The following ZKSCAN8 variants were observed in gnomAD, a reference collection of about 807,000 sequenced individuals.
ZKSCAN8 encodes zinc finger protein with KRAB and SCAN domains 8.
A neutral mutation model predicts 57.2 loss-of-function variants in ZKSCAN8; 27 were observed. The ratio of observed to expected loss-of-function variants is 0.47; its 90% confidence interval spans 0.35 to 0.65. The LOEUF (loss-of-function observed/expected upper bound fraction) is 0.65, where lower values mean the gene tolerates loss of function less well. ZKSCAN8 is among the 30% of genes least tolerant of loss of function. The pLI is 0.01. For missense variants in ZKSCAN8, 597 were observed against 696.3 expected (o/e 0.86, Z 1.60); for synonymous variants, 214 against 248.7 (o/e 0.86, Z 1.31).
In ZKSCAN8 at chr6:28,158,164, T is replaced by C. The variant is rs1032741256; in HGVS notation, c.*4147T>C. The C allele has an allele frequency of 1.4e-4, 22 of 152,158 alleles. No homozygotes were observed. The highest frequency in any genetic ancestry group is 5.3e-4 in the African/African-American group (22 of 41,428). 9.4% of individuals were successfully genotyped at this position (152,158 alleles called of 1,614,324 possible). On this transcript the variant is annotated 3_prime_UTR_variant, in exon 6 of 6. Transcript: ENST00000330236. Reference sequence around the variant, plus strand: ...TTGATCTAATTTATATTTTATATTGTTGAATTCTCCCTCCTTTGGCTTGTG... The same window carrying C: ...TTGATCTAATTTATATTTTATATTGCTGAATTCTCCCTCCTTTGGCTTGTG...
intron 1 of ZKSCAN8, among the ~76,000 whole-genome samples, chr6:28,146,841 A>G (rs776059562): frequency 6.6e-6 from 1 of 152,222 alleles, no homozygotes; most frequent in Non-Finnish European, 1.5e-5. Flanking sequence ...TTTGACAAAT[A>G]TACAAAGACA....
In ZKSCAN8 at chr6:28,154,181, T is replaced by G; in HGVS notation, c.*164T>G. ...TAGCTCTTTAGTAATTTGGGCCCAG[T>G]GCCTTGGTGAAGGTTGATTAGCTTG... On this transcript the variant is annotated 3_prime_UTR_variant, in exon 6 of 6. Coordinates refer to ENST00000330236, the MANE Select transcript of ZKSCAN8 (RefSeq NM_006298.4). The G allele has an allele frequency of 1.1e-5, 11 of 963,590 alleles. No individual in the cohort carries two copies. The highest frequency in any genetic ancestry group is 1.6e-5 in the Non-Finnish European group (11 of 669,924). 59.7% of individuals were successfully genotyped at this position (963,590 alleles called of 1,614,324 possible). A position where few individuals can be genotyped will look rare whatever the true frequency, so the allele number is the denominator to read the frequency against.
At position 28,155,766 on chromosome 6, in the gene ZKSCAN8, CT is replaced by C. The variant is rs1765761913; in HGVS notation, c.*1752del. 5.7e-6 allele frequency: 1 copy of C among 175,390 alleles called. No individual in the cohort carries two copies. Among genetic ancestry groups the C allele is most frequent in the South Asian group, 2.0e-4 (1 of 5,038 alleles). The allele number at this position is 175,390 out of a possible 1,614,324, so 10.9% of individuals were successfully genotyped here. ...AGGACCACCTTTTGGATCATAAATTCTTTCCCTATAACATTCCTTCTCTGCC... is the reference window on the plus strand; with the variant it reads ...AGGACCACCTTTTGGATCATAAATTCTTCCCTATAACATTCCTTCTCTGCC... On this transcript the variant is annotated 3_prime_UTR_variant, in exon 6 of 6. Transcript: ENST00000330236.
In ZKSCAN8 at chr6:28,158,793, G is replaced by A. The variant is rs1441722030; in HGVS notation, c.*4776G>A. On this transcript the variant is annotated 3_prime_UTR_variant, in exon 6 of 6. Coordinates refer to ENST00000330236, the MANE Select transcript of ZKSCAN8 (RefSeq NM_006298.4). ...CTCAAACTCCATTTTTACAATATCC[G>A]TATTGTAAAATTTTCATTTTCAGTA... 4.0e-5 allele frequency: 6 copies of A among 151,730 alleles called. No individual in the cohort carries two copies. The highest frequency in any genetic ancestry group is 7.4e-5 in the Non-Finnish European group (5 of 67,972). The allele number at this position is 151,730 out of a possible 1,614,324, so 9.4% of individuals were successfully genotyped here. A position where few individuals can be genotyped will look rare whatever the true frequency, so the allele number is the denominator to read the frequency against.
Position 28,153,169 on chromosome 6 carries a change from C to G in ZKSCAN8, c.889C>G (p.Leu297Val). 6.2e-7 allele frequency: 1 copy of G among 1,614,154 alleles called. No individual in the cohort carries two copies. The highest frequency in any genetic ancestry group is 8.5e-7 in the Non-Finnish European group (1 of 1,180,036). Residue 297 changes from leucine (L) to valine (V), a missense_variant, in exon 6 of 6, where the codon CTT (leucine) becomes GTT (valine). By Grantham distance (32) the Leu-to-Val change is conservative (BLOSUM62 1). Transcript: ENST00000330236. ...AKCNGDVIRG[L>V]EHEEARDLLG... ...ATGCAACGGGGATGTTATCAGGGGT[C>G]TTGAGCATGAAGAAGCCCGAGACCT...
At position 28,152,261 on chromosome 6, in the gene ZKSCAN8, A is replaced by G; in HGVS notation, c.652A>G (p.Thr218Ala). ...TATLLTAGFQ[T>A]LEKIEDMAVS... Reference sequence around the variant, plus strand: ...AAATGGGGATCTTGTTTTGTTTCAGACTTTGGAGAAGATTGAAGACATGGC... The same window carrying G: ...AAATGGGGATCTTGTTTTGTTTCAGGCTTTGGAGAAGATTGAAGACATGGC... Residue 218 changes from threonine to alanine, a missense_variant and splice_region_variant, in exon 5 of 6, where the codon ACT becomes GCT. Transcript: ENST00000330236. 6.2e-7 allele frequency: 1 copy of G among 1,604,058 alleles called. No individual in the cohort carries two copies. Among genetic ancestry groups the G allele is most frequent in the Non-Finnish European group, 8.5e-7 (1 of 1,176,780 alleles).
chr6:28,146,505 C>T (rs931435276), intron 1 of ZKSCAN8, among the ~76,000 whole-genome samples: 3 of 152,092 alleles, frequency 2.0e-5, no homozygotes, highest in Non-Finnish European at 4.4e-5. Context: ...ATTGTGTTCA[C>T]GGAATGGAAA....
rs774846045 is a variant in ZKSCAN8 at position 28,149,539 on chromosome 6, A to G, written c.474A>G (p.Ala158=). 4 of 1,614,180 alleles carry G rather than the reference A, an allele frequency of 2.5e-6. No homozygotes were observed. The highest frequency in any genetic ancestry group is 1.1e-5 in the South Asian group (1 of 91,068). ...TCTGGGAGGAGGTAGTACATTCAGC[A>G]TCTGCACCAGAGCCTCCAAATACTC... is the stretch of plus-strand genomic sequence containing the variant. ...RVLWEEVVHS[A]SAPEPPNTQL... The change falls in exon 3 of 6, where the codon GCA becomes GCG. Residue 158 remains alanine (A), a synonymous_variant. Coordinates refer to ENST00000330236, the MANE Select transcript of ZKSCAN8 (RefSeq NM_006298.4).
chr6:28,152,106 A>G (rs1039497589), intron 4 of ZKSCAN8, among the ~76,000 whole-genome samples, 155 bp from the exon 5 acceptor site: 3 of 152,230 alleles, frequency 2.0e-5, no homozygotes, highest in African/African-American at 7.2e-5. Flanking sequence ...AGTAAATCTC[A>G]TGCATTTTCC....
At position 28,153,761 on chromosome 6, in the gene ZKSCAN8, A is replaced by C. The variant is rs1264457042; in HGVS notation, c.1481A>C (p.Glu494Ala). ...HTGEKPYKCN[E>A]CGRAFSQKSG... ...GGGGAGAAACCCTACAAATGCAATG[A>C]GTGTGGGAGGGCCTTCAGTCAGAAG... The change falls in exon 6 of 6, where the codon GAG becomes GCG. Residue 494 changes from glutamate to alanine, a missense_variant. Physicochemically the swap from Glu to Ala is moderately radical, Grantham distance 107. Coordinates refer to ENST00000330236, the MANE Select transcript of ZKSCAN8 (RefSeq NM_006298.4). 1 of 1,614,040 alleles carries C rather than the reference A, an allele frequency of 6.2e-7. No individual in the cohort carries two copies.
chr6:28,157,583 G>T lies in ZKSCAN8; in HGVS notation c.*3566G>T, dbSNP rs577676892. 10 of 152,204 alleles carry T rather than the reference G, an allele frequency of 6.6e-5. No individual in the cohort carries two copies. The Middle Eastern group carries it at 0.014, about 207-fold the overall frequency. 9.4% of individuals were successfully genotyped at this position (152,204 alleles called of 1,614,324 possible). On this transcript the variant is annotated 3_prime_UTR_variant, in exon 6 of 6. Coordinates refer to ENST00000330236, the MANE Select transcript of ZKSCAN8 (RefSeq NM_006298.4). ...AACCAGCTTTTTAAAAATATGTAGCGCTTGTCATGAGAGGTACTGGGGAAA... is the reference window on the plus strand; with the variant it reads ...AACCAGCTTTTTAAAAATATGTAGCTCTTGTCATGAGAGGTACTGGGGAAA...
intron 3 of ZKSCAN8, 69 bp from the exon 4 acceptor site, chr6:28,151,776 T>C (rs1765597695): frequency 8.1e-7 from 1 of 1,241,408 alleles, no homozygotes; most frequent in Non-Finnish European, 1.2e-6. Context: ...TAATTTGGAA[T>C]GGGTGAGTGC....
At chr6:28,146,383 T>C (rs1383703269) in intron 1 of ZKSCAN8, among the ~76,000 whole-genome samples, 6 of 152,332 alleles carry the variant, frequency 3.9e-5, no homozygotes, top group East Asian at 3.9e-4. Flanking sequence ...TAATTTCCAA[T>C]TGGAGTCACC....
In ZKSCAN8 at chr6:28,154,056, A is replaced by C; in HGVS notation, c.*39A>C. 6.5e-7 allele frequency: 1 copy of C among 1,535,910 alleles called. No homozygotes were observed. The highest frequency in any genetic ancestry group is 8.7e-7 in the Non-Finnish European group (1 of 1,148,110). ...TAGAGTTTGAGCATTATTCAGCATT[A>C]GGGAAACCACACACTGGTGAGAGGT... On this transcript the variant is annotated 3_prime_UTR_variant, in exon 6 of 6. Coordinates refer to ENST00000330236, the MANE Select transcript of ZKSCAN8 (RefSeq NM_006298.4).
chr6:28,150,324 T>C (rs1047897388), intron 3 of ZKSCAN8, among the ~76,000 whole-genome samples: 2 of 152,264 alleles, frequency 1.3e-5, no homozygotes, highest in African/African-American at 2.4e-5. Flanking sequence ...CATGTTTACA[T>C]TGAGGTCATA....
rs773349437 is a variant in ZKSCAN8 at position 28,153,867 on chromosome 6, G to A, written c.1587G>A (p.Gly529=). Reference sequence around the variant, plus strand: ...AAGAATGTGGGAAAGCTTTCAATGGGAACACTGGTCTCATTCAACACCTGA... The same window carrying A: ...AAGAATGTGGGAAAGCTTTCAATGGAAACACTGGTCTCATTCAACACCTGA... ...KCKECGKAFN[G]NTGLIQHLRI... Residue 529 remains glycine, a synonymous_variant, in exon 6 of 6, where the codon GGG becomes GGA. Coordinates refer to ENST00000330236, the MANE Select transcript of ZKSCAN8 (RefSeq NM_006298.4). 2 of 1,614,014 alleles carry A rather than the reference G, an allele frequency of 1.2e-6. No homozygotes were observed. Among genetic ancestry groups the A allele is most frequent in the Non-Finnish European group, 1.7e-6 (2 of 1,179,996 alleles).
intron 2 of ZKSCAN8, among the ~76,000 whole-genome samples, 174 bp from the exon 3 acceptor site, chr6:28,149,309 T>G (rs1355399374): frequency 6.6e-6 from 1 of 152,212 alleles, no homozygotes; most frequent in Non-Finnish European, 1.5e-5. Context: ...AATGATGCCT[T>G]TCTTTCTGTG....
rs1581520753 is a variant in ZKSCAN8 at position 28,147,272 on chromosome 6, A to G, written c.-92-1044A>G. 2.6e-5 allele frequency among the ~76,000 whole-genome samples: 4 copies of G among 152,264 alleles called. No individual in the cohort carries two copies. The South Asian group carries it at 8.3e-4, about 32-fold the overall frequency. On this transcript the variant is annotated intron_variant, in intron 1 of 5. Transcript: ENST00000330236. ...TAAATAAGCACATAAAAAGATGCTC[A>G]ACATTATTAGTCAGTAGAGAAATGC...
In ZKSCAN8 at chr6:28,148,726, C is replaced by A; in HGVS notation, c.319C>A (p.Leu107Ile). The change falls in exon 2 of 6, where the codon CTC becomes ATC. Residue 107 changes from leucine to isoleucine, a missense_variant. Leu to Ile is a conservative substitution (Grantham distance 5, BLOSUM62 2). Coordinates refer to ENST00000330236, the MANE Select transcript of ZKSCAN8 (RefSeq NM_006298.4). Reference protein sequence around the residue: ...EQFLTILPEELQTLVKEHQLE... With the variant: ...EQFLTILPEEIQTLVKEHQLE... ...GTTCTTGACCATCCTACCTGAGGAG[C>A]TCCAGACACTGGTTAAGGAACATCA... is the stretch of plus-strand genomic sequence containing the variant. The A allele has an allele frequency of 6.2e-7, 1 of 1,614,188 alleles. No individual in the cohort carries two copies. Among genetic ancestry groups the A allele is most frequent in the South Asian group, 1.1e-5 (1 of 91,082 alleles).
Sources: allele counts gnomAD v4.1 joint callset (sites outside exome capture counted in the v4.1 genomes callset), GRCh38; gene constraint gnomAD v4.1.1; transcripts MANE v1.5; gene names NCBI Gene and HGNC (gene_info 2026-07-23, HGNC 2026-07-21).